RFX1: variants seen among roughly 807,000 people sequenced by gnomAD.
RFX1 encodes regulatory factor X1, also known as MHC class II regulatory factor RFX1.
In RFX1, 42 loss-of-function variants were observed where a neutral mutation model predicts 119.6. That is an observed-to-expected ratio of 0.35 (90% confidence interval 0.27 to 0.45). The LOEUF (loss-of-function observed/expected upper bound fraction) is 0.45. Among genes scored for constraint, RFX1 ranks in the 20% least tolerant of loss-of-function variants. RFX1 has a pLI of 1.00. For missense variants in RFX1, 1,118 were observed against 1,368.1 expected (o/e 0.82, Z 2.88); for synonymous variants, 628 against 618.5 (o/e 1.02, Z -0.23).
At chr19:14,006,763 C>G (rs1352543058), upstream of RFX1, 1 of 152,256 alleles carries the variant, frequency 6.6e-6, no homozygotes, top group Non-Finnish European at 1.5e-5. Context: ...ATTAAAAAGG[C>G]GAGAAAGGAA....
chr19:13,986,575 G>A lies in RFX1; in HGVS notation c.320-2980C>T, dbSNP rs1599502875. 6.6e-6 allele frequency among the ~76,000 whole-genome samples: 1 copy of A among 152,296 alleles called. No individual in the cohort carries two copies. Among genetic ancestry groups the A allele is most frequent in the East Asian group, 1.9e-4 (1 of 5,182 alleles). On this transcript the variant is annotated intron_variant, in intron 2 of 20. Coordinates refer to ENST00000254325, the MANE Select transcript of RFX1 (RefSeq NM_002918.5). This position sits in a 1 kb window ranked among gnomAD's most constrained non-coding sequence, Gnocchi z 4.2. ...GAGAAGCCAGGAGGGGAAGTGGGGG[G>A]TGGCACTGAGTCTGCGAGCGAGCGT...
At chr19:13,984,327 C>A (rs1411821328) in intron 2 of RFX1, among the ~76,000 whole-genome samples, 2 of 150,226 alleles carry the variant, frequency 1.3e-5, no homozygotes, top group Non-Finnish European at 3.0e-5. Flanking sequence ...TGGCTTTATA[C>A]CCACGACCTT....
chr19:13,982,066 T>G (rs908406796), intron 5 of RFX1, 55 bp downstream of exon 5: 18 of 916,332 alleles, frequency 2.0e-5, no homozygotes, highest in Non-Finnish European at 2.7e-5. Flanking sequence ...TGGGGATACA[T>G]TGCTGACCTC....
At chr19:13,982,296 G>T in intron 4 of RFX1, 68 bp from the exon 5 acceptor site, 2 of 868,962 alleles carry the variant, frequency 2.3e-6, no homozygotes, top group South Asian at 5.3e-5. Flanking sequence ...CCGAGCATCT[G>T]CGCAGTGCCA....
At chr19:13,970,849 C>T (rs184284109) in intron 9 of RFX1, among the ~76,000 whole-genome samples, 3,280 of 150,166 alleles carry the variant, frequency 0.022, 126 homozygotes, top group African/African-American at 0.076. Flanking sequence ...CTGGGAGTGG[C>T]GGTGTGCGCC....
At position 13,985,607 on chromosome 19, in the gene RFX1, C is replaced by T. The variant is rs1453161629; in HGVS notation, c.320-2012G>A. Among the ~76,000 whole-genome samples the T allele has an allele frequency of 6.6e-6, 1 of 152,266 alleles. No homozygotes were observed. The highest frequency in any genetic ancestry group is 1.5e-5 in the Non-Finnish European group (1 of 68,046). ...ACGCAGGTTCCCCTCTGGGCCCACA[C>T]GAACCTCATACCACATATGGAACCG... is the stretch of plus-strand genomic sequence containing the variant. On this transcript the variant is annotated intron_variant, in intron 2 of 20. Coordinates refer to ENST00000254325, the MANE Select transcript of RFX1 (RefSeq NM_002918.5). This position sits in a 1 kb window ranked among gnomAD's most constrained non-coding sequence, Gnocchi z 4.3.
rs1431693045 is a variant in RFX1 at position 13,986,189 on chromosome 19, G to T, written c.320-2594C>A. On this transcript the variant is annotated intron_variant, in intron 2 of 20. Transcript: ENST00000254325. This position sits in a 1 kb window ranked among gnomAD's most constrained non-coding sequence, Gnocchi z 4.2. ...AGGACTCAGGCCCAGCCTAAGGGATGGTGTCTCACCCAGGAAGCTCAAGGT... is the reference window on the plus strand; with the variant it reads ...AGGACTCAGGCCCAGCCTAAGGGATTGTGTCTCACCCAGGAAGCTCAAGGT... Among the ~76,000 whole-genome samples, 2 of 152,190 alleles carry T rather than the reference G, an allele frequency of 1.3e-5. No individual in the cohort carries two copies. Among genetic ancestry groups the T allele is most frequent in the African/African-American group, 4.8e-5 (2 of 41,452 alleles).
In RFX1 at chr19:13,987,883, C is replaced by T. The variant is rs553207997; in HGVS notation, c.320-4288G>A. ...TTGCTACAGCCTGCCCTCATGGGTA[C>T]AGAGTACCCTCCTGGGAACACTACC... is the stretch of plus-strand genomic sequence containing the variant. On this transcript the variant is annotated intron_variant, in intron 2 of 20. Coordinates refer to ENST00000254325, the MANE Select transcript of RFX1 (RefSeq NM_002918.5). Among the ~76,000 whole-genome samples the T allele has an allele frequency of 3.3e-5, 5 of 152,278 alleles. No homozygotes were observed. In the East Asian group the frequency reaches 9.6e-4, roughly 29 times the overall value.
At chr19:13,978,690 A>G (rs1166689471) in intron 7 of RFX1, among the ~76,000 whole-genome samples, 1 of 151,886 alleles carries the variant, frequency 6.6e-6, no homozygotes, top group Non-Finnish European at 1.5e-5. Flanking sequence ...TGGGCGGCCC[A>G]GACTGGGCGC....
intron 1 of RFX1, among the ~76,000 whole-genome samples, chr19:14,004,822 G>A (rs1975318756): frequency 6.6e-6 from 1 of 152,060 alleles, no homozygotes; most frequent in South Asian, 2.1e-4. Flanking sequence ...AACTAGACTT[G>A]GCCTGGCTGG....
rs749535494 is a variant in RFX1 at position 13,973,059 on chromosome 19, TCGTAGTAGCTGGTGCTTG to T, written c.980_997del (p.Ala327_Tyr332del). On this transcript the variant is annotated inframe_deletion, in exon 9 of 21. Transcript: ENST00000254325. ...GACCTGGGTGGCCGTGCCTGCGGCC[TCGTAGTAGCTGGTGCTTG>T]CCGTCTGCGTGTACAGCGGCGTCTC... The T allele has an allele frequency of 1.9e-6, 3 of 1,601,798 alleles. No individual in the cohort carries two copies. Among genetic ancestry groups the T allele is most frequent in the Non-Finnish European group, 2.5e-6 (3 of 1,179,858 alleles).
intron 5 of RFX1, 42 bp downstream of exon 5, chr19:13,982,079 G>GA: frequency 9.4e-7 from 1 of 1,068,862 alleles, no homozygotes; most frequent in Non-Finnish European, 1.2e-6. Context: ...CTGACCTCGG[G>GA]AGACAGCAGG....
At chr19:13,979,251 A>AG (rs1256553153) in intron 7 of RFX1, among the ~76,000 whole-genome samples, 196 bp downstream of exon 7, 4 of 152,114 alleles carry the variant, frequency 2.6e-5, no homozygotes, top group Non-Finnish European at 4.4e-5. Context: ...AAGAAAGAAG[A>AG]GGGGTTTGAA....
intron 18 of RFX1, 89 bp downstream of exon 18, chr19:13,963,449 C>T: frequency 6.9e-7 from 1 of 1,453,056 alleles, no homozygotes; most frequent in Non-Finnish European, 9.3e-7. Context: ...AGCCTGCAGG[C>T]TCGGGTCGTC....
At chr19:14,002,489 AAAAAAAGAAAGAAAGAAAG>A (rs1391718319) in intron 1 of RFX1, among the ~76,000 whole-genome samples, 1 of 151,974 alleles carries the variant, frequency 6.6e-6, no homozygotes, top group Non-Finnish European at 1.5e-5. Flanking sequence ...TGTCTCAACA[AAAAAAAGAAAGAAAGAAAG>A]AAAAAAGAAA....
chr19:13,979,814 G>A (rs1481096025), intron 6 of RFX1, among the ~76,000 whole-genome samples: 2 of 152,226 alleles, frequency 1.3e-5, no homozygotes, highest in Non-Finnish European at 2.9e-5. Context: ...CCAAGAACCC[G>A]CAGGCAAGGC....
intron 1 of RFX1, among the ~76,000 whole-genome samples, chr19:13,999,501 G>C (rs913438864): frequency 1.3e-5 from 2 of 152,154 alleles, no homozygotes; most frequent in African/African-American, 4.8e-5. Flanking sequence ...GGCTGTGTGC[G>C]AATAAAACTT....
chr19:13,962,273 G>A lies in RFX1; in HGVS notation c.*422C>T, dbSNP rs1221319335. The A allele has an allele frequency of 1.1e-5, 2 of 177,200 alleles. No individual in the cohort carries two copies. The highest frequency in any genetic ancestry group is 4.8e-5 in the African/African-American group (2 of 42,072). 11.0% of individuals were successfully genotyped at this position (177,200 alleles called of 1,614,324 possible). On this transcript the variant is annotated 3_prime_UTR_variant, in exon 21 of 21. Transcript: ENST00000254325. ...GTGACGCCCACCTGCGCCGGCCCGGGGCTCAGGGCTGGGCCCAGGACAGGC... is the reference window on the plus strand; with the variant it reads ...GTGACGCCCACCTGCGCCGGCCCGGAGCTCAGGGCTGGGCCCAGGACAGGC...
rs1973991638 is a variant in RFX1, at chr19:13,968,941, T to C, written c.1497-47A>G. ...AGGGCTGGGCTGGGGGTCTGCCGGC[T>C]GGCCGGCCATGGAGCACCTCACAGC... On this transcript the variant is annotated intron_variant, in intron 10 of 20. Transcript: ENST00000254325. The surrounding 1 kb of genome is among the most constrained non-coding windows in gnomAD (Gnocchi z 5.5). 2 of 1,533,504 alleles carry C rather than the reference T, an allele frequency of 1.3e-6. No homozygotes were observed. The highest frequency in any genetic ancestry group is 1.8e-6 in the Non-Finnish European group (2 of 1,141,864). The allele number at this position is 1,533,504 out of a possible 1,614,324, so 95.0% of individuals were successfully genotyped here.
Sources: allele counts gnomAD v4.1 joint callset (sites outside exome capture counted in the v4.1 genomes callset), GRCh38; gene constraint gnomAD v4.1.1; non-coding constraint Gnocchi (gnomAD v3.1); transcripts MANE v1.5; gene names NCBI Gene and HGNC (gene_info 2026-07-23, HGNC 2026-07-21).